Variants in FAM227B observed in about 807,000 individuals in gnomAD.
The protein encoded by FAM227B is protein FAM227B.
FAM227B carries 88 observed loss-of-function variants against 73.8 expected under a neutral mutation model. The ratio of observed to expected loss-of-function variants is 1.19; its 90% CI spans 1.00 to 1.42. FAM227B has a LOEUF of 1.42. Among genes scored for constraint, FAM227B ranks in the 40% most tolerant of loss-of-function variants. FAM227B has a pLI of 0.00. For synonymous variants in FAM227B, 210 were observed against 190.5 expected (o/e 1.10, Z -0.84); for missense variants, 632 against 590.9 (o/e 1.07, Z -0.72).
At chr15:49,396,014 C>G (rs549543218) in intron 11 of FAM227B, 1 of 455,414 alleles carries the variant, frequency 2.2e-6, no homozygotes, top group Non-Finnish European at 4.4e-6. Flanking sequence ...CAAATAGGAA[C>G]AGCTCCGGTC....
intron 3 of FAM227B, among the ~76,000 whole-genome samples, chr15:49,595,091 G>A (rs569288695): frequency 6.6e-6 from 1 of 152,082 alleles, no homozygotes; most frequent in South Asian, 2.1e-4. Flanking sequence ...TGTCATCTAT[G>A]ATTTCTTTCA....
intron 9 of FAM227B, among the ~76,000 whole-genome samples, chr15:49,563,417 C>A (rs958605707): frequency 5.3e-5 from 8 of 151,994 alleles, no homozygotes; most frequent in Non-Finnish European, 1.0e-4. Flanking sequence ...CCATACTGCC[C>A]AAAGCAATCT....
At chr15:49,332,968 CT>C (rs199571959) in intron 14 of FAM227B, among the ~76,000 whole-genome samples, 3,882 of 152,184 alleles carry the variant, frequency 0.026, 91 homozygotes, top group African/African-American at 0.051. Context: ...GCTGATTGCT[CT>C]TTAGGCTTCA....
In FAM227B at chr15:49,615,368, C is replaced by A. The variant is rs189573327; in HGVS notation, c.-72-125G>T. 2.0e-4 allele frequency: 116 copies of A among 593,522 alleles called. No homozygotes were observed. The African/African-American group carries it at 2.1e-3, about 11-fold the overall frequency. The allele number at this position is 593,522 out of a possible 1,614,324, so 36.8% of individuals were successfully genotyped here. A position where few individuals can be genotyped will look rare whatever the true frequency, so the allele number is the denominator to read the frequency against. On this transcript the variant is annotated intron_variant, in intron 1 of 15. Transcript: ENST00000299338. ...GATAGTTTGGCTCTGTATCTCCACTCAAATCTCATGTTGAACTGTTGGAAT... is the reference window on the plus strand; with the variant it reads ...GATAGTTTGGCTCTGTATCTCCACTAAAATCTCATGTTGAACTGTTGGAAT...
intron 11 of FAM227B, among the ~76,000 whole-genome samples, chr15:49,460,248 A>C (rs2053671975): frequency 6.6e-6 from 1 of 152,202 alleles, no homozygotes; most frequent in African/African-American, 2.4e-5. Context: ...GTGCCCCTAG[A>C]AGTAGGTAAG....
chr15:49,420,422 C>T (rs1422116191), intron 11 of FAM227B, among the ~76,000 whole-genome samples: 3 of 151,680 alleles, frequency 2.0e-5, no homozygotes, highest in Non-Finnish European at 4.4e-5. Context: ...CAAAAAAATG[C>T]ATATGACGTG....
chr15:49,491,462 T>G (rs1397107718), intron 11 of FAM227B, among the ~76,000 whole-genome samples: 1 of 151,880 alleles, frequency 6.6e-6, no homozygotes, highest in Non-Finnish European at 1.5e-5. Context: ...AGTAGTTTCT[T>G]TAGTCCATTG....
chr15:49,477,765 T>C (rs1219754922), intron 11 of FAM227B, among the ~76,000 whole-genome samples: 2 of 152,250 alleles, frequency 1.3e-5, no homozygotes, highest in Non-Finnish European at 2.9e-5. Flanking sequence ...TGTCTTCCCA[T>C]GTGACTGCAC....
At chr15:49,614,942 T>C in intron 2 of FAM227B, 179 bp downstream of exon 2, 5 of 642,314 alleles carry the variant, frequency 7.8e-6, no homozygotes, top group Non-Finnish European at 1.4e-5. Flanking sequence ...ATTAAAGCTT[T>C]CTTCCTTGGC....
At chr15:49,372,566 G>C (rs1333489454) in intron 11 of FAM227B, among the ~76,000 whole-genome samples, 1 of 152,132 alleles carries the variant, frequency 6.6e-6, no homozygotes, top group Non-Finnish European at 1.5e-5. Flanking sequence ...AGGAGACTTG[G>C]TGACCTTTCC....
At chr15:49,533,812 T>G (rs2060802468) in intron 10 of FAM227B, among the ~76,000 whole-genome samples, 1 of 151,844 alleles carries the variant, frequency 6.6e-6, no homozygotes, top group Non-Finnish European at 1.5e-5. Flanking sequence ...TGTTGTTTTT[T>G]AATCCATTCA....
chr15:49,559,257 C>T lies in FAM227B; in HGVS notation c.747+8988G>A, dbSNP rs368735784. Among the ~76,000 whole-genome samples the T allele has an allele frequency of 2.8e-4, 42 of 152,244 alleles. No individual in the cohort carries two copies. In the South Asian group the frequency reaches 6.6e-3, roughly 24 times the overall value. On this transcript the variant is annotated intron_variant, in intron 9 of 15. Transcript: ENST00000299338. Reference sequence around the variant, plus strand: ...TAGTGCACTTCATAAGGAACTCCTCCCATTAACCCTCATCAGGGCAGGTGC... The same window carrying T: ...TAGTGCACTTCATAAGGAACTCCTCTCATTAACCCTCATCAGGGCAGGTGC...
At chr15:49,491,102 T>C (rs557979573) in intron 11 of FAM227B, among the ~76,000 whole-genome samples, 3 of 152,056 alleles carry the variant, frequency 2.0e-5, no homozygotes, top group South Asian at 4.1e-4. Context: ...TCTCCTTCCC[T>C]TTGACTCTGT....
chr15:49,388,246 A>G (rs1159373572), intron 11 of FAM227B, among the ~76,000 whole-genome samples: 2 of 151,986 alleles, frequency 1.3e-5, no homozygotes, highest in Non-Finnish European at 2.9e-5. Flanking sequence ...ATAAGCCTGC[A>G]GTTACTAAAA....
At chr15:49,358,535 A>G (rs373315896) in intron 13 of FAM227B, among the ~76,000 whole-genome samples, 9 of 148,526 alleles carry the variant, frequency 6.1e-5, no homozygotes, top group Non-Finnish European at 9.0e-5. Flanking sequence ...TACAAGGGAT[A>G]TGAAGGACCT....
intron 10 of FAM227B, among the ~76,000 whole-genome samples, chr15:49,539,963 G>A (rs2070827812): frequency 6.6e-6 from 1 of 152,210 alleles, no homozygotes; most frequent in Non-Finnish European, 1.5e-5. Flanking sequence ...GGTATGCAAA[G>A]AGTGTCTGTG....
chr15:49,614,762 AACTG>A (rs1311434588), intron 2 of FAM227B: 1 of 234,638 alleles, frequency 4.3e-6, no homozygotes, highest in Non-Finnish European at 8.6e-6. Context: ...ATGATTGCCT[AACTG>A]ACTACCTGTT....
At chr15:49,587,869 T>C in intron 5 of FAM227B, 147 bp downstream of exon 5, 1 of 647,716 alleles carries the variant, frequency 1.5e-6, no homozygotes, top group Non-Finnish European at 2.2e-6. Flanking sequence ...TAAGTGCAGC[T>C]ATCTTTAAAA....
At chr15:49,537,874 G>A (rs2070495536) in intron 10 of FAM227B, among the ~76,000 whole-genome samples, 1 of 152,080 alleles carries the variant, frequency 6.6e-6, no homozygotes, top group Non-Finnish European at 1.5e-5. Context: ...CAAAGATACA[G>A]AAATAAAGAA....
Sources: allele counts gnomAD v4.1 joint callset (sites outside exome capture counted in the v4.1 genomes callset), GRCh38; gene constraint gnomAD v4.1.1; transcripts MANE v1.5; gene names NCBI Gene and HGNC (gene_info 2026-07-23, HGNC 2026-07-21).